The following FNBP1 variants were observed in gnomAD, a reference collection of about 807,000 sequenced individuals.
FNBP1 encodes formin-binding protein 1.
A neutral mutation model predicts 90.6 loss-of-function variants in FNBP1; 26 were observed. The ratio of observed to expected loss-of-function variants is 0.29; its 90% CI spans 0.21 to 0.40. FNBP1 has a LOEUF of 0.40. Ranked by LOEUF, FNBP1 falls within the 10% of genes least tolerant of loss-of-function variation. The pLI, the probability that FNBP1 is intolerant of heterozygous loss-of-function variation, is 1.00. For synonymous variants in FNBP1, 260 were observed against 265.2 expected, an observed-to-expected ratio of 0.98 and a Z score of 0.19; for missense variants, 635 against 768.0, an observed-to-expected ratio of 0.83 and a Z score of 2.05.
In FNBP1 at chr9:129,966,220, C is replaced by T. The variant is rs2048616498; in HGVS notation, c.346-7667G>A. On this transcript the variant is annotated intron_variant, in intron 4 of 16. Coordinates refer to ENST00000446176, the MANE Select transcript of FNBP1 (RefSeq NM_015033.3). This position sits in a 1 kb window ranked among gnomAD's most constrained non-coding sequence, Gnocchi z 4.3. ...CATTTGAGTAGAGACTTGCATAAAA[C>T]GTGGGAGTGAACTTACAAGGGTCTG... Among the ~76,000 whole-genome samples the T allele has an allele frequency of 6.6e-6, 1 of 152,104 alleles. No individual in the cohort carries two copies.
intron 12 of FNBP1, among the ~76,000 whole-genome samples, chr9:129,903,395 C>T (rs2037340698): frequency 6.6e-6 from 1 of 152,056 alleles, no homozygotes; most frequent in African/African-American, 2.4e-5. Flanking sequence ...ACTTTGAAAG[C>T]CATATGAATG....
At chr9:129,922,614 G>A (rs1431297316) in intron 10 of FNBP1, among the ~76,000 whole-genome samples, 1 of 152,156 alleles carries the variant, frequency 6.6e-6, no homozygotes, top group Non-Finnish European at 1.5e-5. Context: ...GTAAGTGTCA[G>A]CTGCTTTTAT....
At chr9:129,989,971 A>C (rs933884404) in intron 2 of FNBP1, among the ~76,000 whole-genome samples, 5 of 151,588 alleles carry the variant, frequency 3.3e-5, no homozygotes, top group Non-Finnish European at 5.9e-5. Flanking sequence ...CCGGGAGGTG[A>C]GCCAAGATCG....
chr9:129,970,603 C>T (rs917139535), intron 4 of FNBP1, among the ~76,000 whole-genome samples: 7 of 152,132 alleles, frequency 4.6e-5, no homozygotes, highest in Non-Finnish European at 4.4e-5. Context: ...AGATTTTGTC[C>T]TTTAATTCCG....
Position 130,043,014 on chromosome 9 carries a change from G to T in FNBP1, c.-39C>A, listed in dbSNP as rs988349691. 2.5e-6 allele frequency: 3 copies of T among 1,224,246 alleles called. No individual in the cohort carries two copies. Among genetic ancestry groups the T allele is most frequent in the African/African-American group, 3.1e-5 (2 of 63,958 alleles). 75.8% of individuals were successfully genotyped at this position (1,224,246 alleles called of 1,614,324 possible). A position where few individuals can be genotyped will look rare whatever the true frequency, so the allele number is the denominator to read the frequency against. ...CGAAGGGGCGCTCCGCGCGGCGGGC[G>T]CGGCTCTCTGGTCCCCCTCCCCGGC... On this transcript the variant is annotated 5_prime_UTR_variant, in exon 1 of 17. Coordinates refer to ENST00000446176, the MANE Select transcript of FNBP1 (RefSeq NM_015033.3).
chr9:129,890,216 T>G lies in FNBP1; in HGVS notation c.*323A>C. 2.2e-6 allele frequency: 1 copy of G among 459,206 alleles called. No homozygotes were observed. The highest frequency in any genetic ancestry group is 3.9e-6 in the Non-Finnish European group (1 of 257,388). 28.4% of individuals were successfully genotyped at this position (459,206 alleles called of 1,614,324 possible). ...GAAGGGCTGCCAGGACGAGCCCGGGTGGACTGAGGGCCCAGGAAGGAGCAG... is the reference window on the plus strand; with the variant it reads ...GAAGGGCTGCCAGGACGAGCCCGGGGGGACTGAGGGCCCAGGAAGGAGCAG... On this transcript the variant is annotated 3_prime_UTR_variant, in exon 17 of 17. Transcript: ENST00000446176. This position sits in a 1 kb window ranked among gnomAD's most constrained non-coding sequence, Gnocchi z 5.8.
intron 4 of FNBP1, among the ~76,000 whole-genome samples, chr9:129,968,358 G>A (rs1384917938): frequency 7.2e-6 from 1 of 139,578 alleles, no homozygotes; most frequent in East Asian, 2.1e-4. Flanking sequence ...TTGCACCATT[G>A]CACTCCAGCC....
In FNBP1 at chr9:129,900,460, G is replaced by A; in HGVS notation, c.1516C>T (p.Pro506Ser). The change falls in exon 14 of 17, where the codon CCC (proline) becomes TCC (serine). Residue 506 changes from proline (P) to serine (S), a missense_variant. By Grantham distance (74) the Pro-to-Ser change is moderately conservative. Transcript: ENST00000446176. The surrounding 1 kb of genome is among the most constrained non-coding windows in gnomAD (Gnocchi z 4.1). Reference sequence around the variant, plus strand: ...TCCTGGGCGCAGTTGTTGACTGTGGGTGGGTTCTGGCTGTCGTACAGTCCG... The same window carrying A: ...TCCTGGGCGCAGTTGTTGACTGTGGATGGGTTCTGGCTGTCGTACAGTCCG... ...QSGLYDSQNP[P>S]TVNNCAQDRE... 1 of 1,605,304 alleles carries A rather than the reference G, an allele frequency of 6.2e-7. No individual in the cohort carries two copies. The highest frequency in any genetic ancestry group is 8.5e-7 in the Non-Finnish European group (1 of 1,176,204).
rs942610791 is a variant in FNBP1 at position 130,042,150 on chromosome 9, G to A, written c.24+802C>T. Among the ~76,000 whole-genome samples the A allele has an allele frequency of 6.6e-6, 1 of 151,956 alleles. No homozygotes were observed. The highest frequency in any genetic ancestry group is 1.5e-5 in the Non-Finnish European group (1 of 67,986). The stretch of plus-strand genomic sequence containing the variant: ...CAGCCCTGAGGGCTGCCCGTTTACC[G>A]TGCGCATCCCCCGGCCAAGCATCCC... On this transcript the variant is annotated intron_variant, in intron 1 of 16. Transcript: ENST00000446176. This position sits in a 1 kb window ranked among gnomAD's most constrained non-coding sequence, Gnocchi z 5.5.
chr9:129,935,729 C>T (rs901207905), intron 6 of FNBP1, among the ~76,000 whole-genome samples: 1 of 152,038 alleles, frequency 6.6e-6, no homozygotes, highest in African/African-American at 2.4e-5. Flanking sequence ...CCTCGTGATC[C>T]GCCTGTCTCG....
intron 1 of FNBP1, among the ~76,000 whole-genome samples, chr9:130,033,634 C>A (rs987874297): frequency 6.7e-6 from 1 of 150,222 alleles, no homozygotes; most frequent in Non-Finnish European, 1.5e-5. Flanking sequence ...GTCAAAAGTT[C>A]AAGTCCAGCC....
chr9:129,949,226 G>A (rs1292486733), intron 6 of FNBP1, among the ~76,000 whole-genome samples: 2 of 152,090 alleles, frequency 1.3e-5, no homozygotes, highest in African/African-American at 4.8e-5. Context: ...TATGACAGCT[G>A]CAAAATGTCA....
intron 1 of FNBP1, among the ~76,000 whole-genome samples, chr9:130,029,541 G>C (rs1341349034): frequency 6.6e-6 from 1 of 152,086 alleles, no homozygotes; most frequent in African/African-American, 2.4e-5. Flanking sequence ...TAGCTGACTG[G>C]GTAAGGAAGT....
intron 6 of FNBP1, among the ~76,000 whole-genome samples, chr9:129,950,701 C>T (rs2046022885): frequency 6.6e-6 from 1 of 152,162 alleles, no homozygotes; most frequent in South Asian, 2.1e-4. Context: ...TAAGTCTAGG[C>T]CTCCATCACC....
intron 1 of FNBP1, among the ~76,000 whole-genome samples, chr9:130,030,137 A>G (rs1364013435): frequency 6.6e-6 from 1 of 152,068 alleles, no homozygotes; most frequent in Non-Finnish European, 1.5e-5. Context: ...GATTGGAATT[A>G]AAAAGACCTA....
rs529394731 is a variant in FNBP1 at position 129,889,584 on chromosome 9, A to C, written c.*955T>G. 1.6e-3 allele frequency: 338 copies of C among 214,236 alleles called. No homozygotes were observed. Among genetic ancestry groups the C allele is most frequent in the East Asian group, 5.0e-3 (73 of 14,668 alleles). 13.3% of individuals were successfully genotyped at this position (214,236 alleles called of 1,614,324 possible). ...GACTCCCGTCTCAAAAAAAAAAAAAAAACAACAACAAAAAAGGAAGTGCTA... is the reference window on the plus strand; with the variant it reads ...GACTCCCGTCTCAAAAAAAAAAAAACAACAACAACAAAAAAGGAAGTGCTA... On this transcript the variant is annotated 3_prime_UTR_variant, in exon 17 of 17. Coordinates refer to ENST00000446176, the MANE Select transcript of FNBP1 (RefSeq NM_015033.3).
chr9:129,979,099 G>A (rs1352858979), intron 3 of FNBP1, among the ~76,000 whole-genome samples: 2 of 152,138 alleles, frequency 1.3e-5, no homozygotes, highest in African/African-American at 4.8e-5. Context: ...ACATTCTAAA[G>A]TTTTCCTAAT....
intron 6 of FNBP1, among the ~76,000 whole-genome samples, chr9:129,952,953 G>C (rs928955537): frequency 6.6e-6 from 1 of 152,018 alleles, no homozygotes. Context: ...AAGACATAAG[G>C]ATGTTACACA....
chr9:129,979,476 C>G, intron 2 of FNBP1, 102 bp from the exon 3 acceptor site: 1 of 794,350 alleles, frequency 1.3e-6, no homozygotes, highest in South Asian at 1.7e-5. Flanking sequence ...TTAAAACAAA[C>G]AAAAAAAGTC....
Sources: allele counts gnomAD v4.1 joint callset (sites outside exome capture counted in the v4.1 genomes callset), GRCh38; gene constraint gnomAD v4.1.1; non-coding constraint Gnocchi (gnomAD v3.1); transcripts MANE v1.5; gene names NCBI Gene and HGNC (gene_info 2026-07-23, HGNC 2026-07-21).